The following NR5A2 variants were observed in gnomAD, a reference collection of about 807,000 sequenced individuals.
NR5A2 encodes nuclear receptor subfamily 5 group A member 2, also known as CYP7A promoter-binding factor.
In NR5A2, 26 loss-of-function variants were observed where a neutral mutation model predicts 62.7. That is an observed-to-expected ratio of 0.41 (90% CI 0.30 to 0.58). NR5A2 has a LOEUF of 0.58. Among genes scored for constraint, NR5A2 ranks in the 20% least tolerant of loss-of-function variants. The probability of loss-of-function intolerance (pLI) is 0.22; values close to 1 mark genes in which losing one functional copy is unlikely to be tolerated. For missense variants in NR5A2, 541 were observed against 669.1 expected (o/e 0.81, Z 2.11); for synonymous variants, 246 against 241.7 (o/e 1.02, Z -0.16).
intron 5 of NR5A2, among the ~76,000 whole-genome samples, chr1:200,092,291 T>G (rs1354901961): frequency 6.6e-6 from 1 of 152,208 alleles, no homozygotes; most frequent in Non-Finnish European, 1.5e-5. Context: ...AAGACCTCCT[T>G]CCCTGTATAA....
At chr1:200,159,171 G>A (rs1297293307) in intron 7 of NR5A2, among the ~76,000 whole-genome samples, 3 of 152,062 alleles carry the variant, frequency 2.0e-5, no homozygotes, top group Non-Finnish European at 4.4e-5. Context: ...GATTACGGGT[G>A]TGAGCCACTT....
Position 200,039,230 on chromosome 1 carries a change from C to T in NR5A2, c.65-428C>T, listed in dbSNP as rs1661930648. Among the ~76,000 whole-genome samples the T allele has an allele frequency of 6.6e-6, 1 of 152,126 alleles. No homozygotes were observed. Among genetic ancestry groups the T allele is most frequent in the Admixed American group, 6.5e-5 (1 of 15,286 alleles). ...AAGAGGAGAGAGACCCCTGCCGATC[C>T]TGAGCCAGAGGGCGGTGGAGGGAGG... On this transcript the variant is annotated intron_variant, in intron 1 of 7. Coordinates refer to ENST00000367362, the MANE Select transcript of NR5A2 (RefSeq NM_205860.3). This position sits in a 1 kb window ranked among gnomAD's most constrained non-coding sequence, Gnocchi z 5.1.
At chr1:200,169,721 C>A (rs2247019) in intron 7 of NR5A2, among the ~76,000 whole-genome samples, 2 of 152,042 alleles carry the variant, frequency 1.3e-5, no homozygotes, top group African/African-American at 4.8e-5. Context: ...AAAATGCTCT[C>A]GCCAGTCATC....
chr1:200,105,723 AGGAGG>A, intron 5 of NR5A2, among the ~76,000 whole-genome samples: 1 of 152,186 alleles, frequency 6.6e-6, no homozygotes, highest in East Asian at 1.9e-4. Flanking sequence ...ACACCAAGGC[AGGAGG>A]ATACCTTGAG....
intron 5 of NR5A2, chr1:200,058,000 G>C (rs1027972142): frequency 1.3e-5 from 2 of 152,486 alleles, no homozygotes; most frequent in Non-Finnish European, 2.9e-5. Flanking sequence ...GTTTCACCAT[G>C]TCAGCCAGGC....
chr1:200,112,381 C>T (rs977623626), intron 6 of NR5A2, among the ~76,000 whole-genome samples: 1 of 152,188 alleles, frequency 6.6e-6, no homozygotes, highest in African/African-American at 2.4e-5. Flanking sequence ...CACAGTGATT[C>T]CTTCAATCCT....
At chr1:200,142,360 C>T (rs185181562) in intron 7 of NR5A2, among the ~76,000 whole-genome samples, 21 of 151,638 alleles carry the variant, frequency 1.4e-4, no homozygotes, top group East Asian at 1.4e-3. Context: ...CCACCACGCC[C>T]GGCTAATTTT....
At chr1:200,046,355 C>T (rs1042309130) in intron 4 of NR5A2, among the ~76,000 whole-genome samples, 1 of 152,156 alleles carries the variant, frequency 6.6e-6, no homozygotes, top group African/African-American at 2.4e-5. Context: ...TCATGGACTA[C>T]TATGGTATGT....
chr1:200,115,048 T>TTTAG (rs58533581), intron 6 of NR5A2, among the ~76,000 whole-genome samples: 64,735 of 151,516 alleles, frequency 0.43, 14,188 homozygotes, highest in East Asian at 0.67. Flanking sequence ...TTTTTTGTGG[T>TTTAG]TTAGTTAGTT....
chr1:200,068,194 C>T (rs956989082), intron 5 of NR5A2, among the ~76,000 whole-genome samples: 3 of 152,122 alleles, frequency 2.0e-5, no homozygotes, highest in African/African-American at 7.2e-5. Context: ...TATAGTAGCA[C>T]AAGAATCCAA....
intron 5 of NR5A2, among the ~76,000 whole-genome samples, chr1:200,056,045 T>A (rs1662898560): frequency 6.6e-6 from 1 of 152,214 alleles, no homozygotes; most frequent in Non-Finnish European, 1.5e-5. Flanking sequence ...TTTATATCTT[T>A]TTCCAAGCAG....
At chr1:200,107,954 A>G (rs1665767498) in intron 5 of NR5A2, among the ~76,000 whole-genome samples, 1 of 152,040 alleles carries the variant, frequency 6.6e-6, no homozygotes, top group South Asian at 2.1e-4. Flanking sequence ...TTACAATTTT[A>G]GTATGGCTTA....
intron 7 of NR5A2, among the ~76,000 whole-genome samples, chr1:200,165,812 C>T (rs771496190): frequency 9.9e-5 from 15 of 152,208 alleles, no homozygotes; most frequent in Non-Finnish European, 2.1e-4. Context: ...ATAAACATCC[C>T]TATGCATGTT....
intron 5 of NR5A2, among the ~76,000 whole-genome samples, chr1:200,052,767 G>T (rs1196439808): frequency 6.6e-6 from 1 of 151,762 alleles, no homozygotes; most frequent in Non-Finnish European, 1.5e-5. Flanking sequence ...TCAGCCTCCT[G>T]AGTAGCTGGG....
rs1251555394 is a variant in NR5A2 at position 200,174,477 on chromosome 1, GTGGAT to G, written c.*270_*274del. On this transcript the variant is annotated 3_prime_UTR_variant, in exon 8 of 8. Transcript: ENST00000367362. ...TCCATATAAAAGACATTGTAATGGA[GTGGAT>G]TGAACTCACAGATGGATACCAACAC... The G allele has an allele frequency of 1.5e-5, 4 of 262,314 alleles. No individual in the cohort carries two copies. The highest frequency in any genetic ancestry group is 2.8e-5 in the Non-Finnish European group (4 of 141,070). 16.2% of individuals were successfully genotyped at this position (262,314 alleles called of 1,614,324 possible).
intron 7 of NR5A2, among the ~76,000 whole-genome samples, chr1:200,160,385 A>G (rs1653589205): frequency 1.3e-5 from 2 of 152,192 alleles, no homozygotes; most frequent in Non-Finnish European, 2.9e-5. Context: ...TACATTCTCA[A>G]ATTTACCTTT....
chr1:200,148,102 A>G (rs1571557441), intron 7 of NR5A2: 1 of 292,234 alleles, frequency 3.4e-6, no homozygotes, highest in East Asian at 9.8e-5. Context: ...TTGACTACCC[A>G]CTGCTGCACC....
intron 7 of NR5A2, among the ~76,000 whole-genome samples, chr1:200,167,863 C>T (rs896743945): frequency 6.6e-6 from 1 of 152,190 alleles, no homozygotes; most frequent in African/African-American, 2.4e-5. Context: ...ACTCATCTTT[C>T]AAAACTCCTC....
chr1:200,048,137 C>A lies in NR5A2; in HGVS notation c.464-35C>A. 4 of 1,547,924 alleles carry A rather than the reference C, an allele frequency of 2.6e-6. No individual in the cohort carries two copies. Among genetic ancestry groups the A allele is most frequent in the Non-Finnish European group, 3.5e-6 (4 of 1,145,794 alleles). On this transcript the variant is annotated intron_variant, in intron 4 of 7. Transcript: ENST00000367362. The surrounding 1 kb of genome is among the most constrained non-coding windows in gnomAD (Gnocchi z 4.8). ...GCTAATAATTTGCACCTTATTTATACCTTTCCTTCCTTCCCCCCACCCCAC... is the reference window on the plus strand; with the variant it reads ...GCTAATAATTTGCACCTTATTTATAACTTTCCTTCCTTCCCCCCACCCCAC...
Sources: gnomAD v4.1 joint callset for allele counts (sites outside exome capture counted in the v4.1 genomes callset) on GRCh38, gnomAD v4.1.1 for gene constraint, Gnocchi (gnomAD v3.1) non-coding constraint, MANE v1.5 for transcripts, NCBI Gene and HGNC (gene_info 2026-07-23, HGNC 2026-07-21) for gene names.